NPFFR1: variants seen among roughly 807,000 people sequenced by gnomAD.
NPFFR1 encodes the protein neuropeptide FF receptor 1.
In NPFFR1, 17 loss-of-function variants were observed where a neutral mutation model predicts 12.7. The ratio of observed to expected loss-of-function variants is 1.34; its 90% CI spans 0.92 to 2.01. NPFFR1 has a LOEUF of 2.01. Among genes scored for constraint, NPFFR1 ranks in the 30% most tolerant of loss-of-function variants. The pLI, the probability that NPFFR1 is intolerant of heterozygous loss-of-function variation, is 0.00. For missense variants in NPFFR1, 604 were observed against 606.5 expected (o/e 1.00, Z 0.04); for synonymous variants, 296 against 264.5 (o/e 1.12, Z -1.16).
intron 1 of NPFFR1, among the ~76,000 whole-genome samples, chr10:70,272,211 G>GAAAGAAAGAAAGAA (rs10664195): frequency 1.8e-5 from 1 of 55,822 alleles, no homozygotes; most frequent in African/African-American, 7.9e-5. Context: ...AAGAAAGAAA[G>GAAAGAAAGAAAGAA]GAAAGAAAGA....
At chr10:70,271,081 C>T (rs141744116) in intron 1 of NPFFR1, among the ~76,000 whole-genome samples, 140 of 152,314 alleles carry the variant, frequency 9.2e-4, no homozygotes, top group African/African-American at 3.1e-3. Flanking sequence ...ATGATTCCAA[C>T]GCACACTGTG....
Position 70,250,626 on chromosome 10 carries a change from A to G in NPFFR1, c.*4331T>C, listed in dbSNP as rs865789713. The G allele has an allele frequency of 6.6e-6, 1 of 152,254 alleles. No homozygotes were observed. Among genetic ancestry groups the G allele is most frequent in the African/African-American group, 2.4e-5 (1 of 41,460 alleles). 9.4% of individuals were successfully genotyped at this position (152,254 alleles called of 1,614,324 possible). A position where few individuals can be genotyped will look rare whatever the true frequency, so the allele number is the denominator to read the frequency against. ...AATGAATCTTGCAAACATCATTTTA[A>G]GTGAAAGAAACCAGACTCGGCTGCA... On this transcript the variant is annotated 3_prime_UTR_variant, in exon 4 of 4. Coordinates refer to ENST00000277942, the MANE Select transcript of NPFFR1 (RefSeq NM_022146.5).
At chr10:70,274,977 C>T (rs1236327340) in intron 1 of NPFFR1, among the ~76,000 whole-genome samples, 2 of 152,184 alleles carry the variant, frequency 1.3e-5, no homozygotes, top group Admixed American at 1.3e-4. Flanking sequence ...AGAACTATAA[C>T]CTCCTACTGT....
At chr10:70,262,588 A>T (rs541410898) in intron 2 of NPFFR1, among the ~76,000 whole-genome samples, 2 of 152,328 alleles carry the variant, frequency 1.3e-5, no homozygotes, top group African/African-American at 4.8e-5. Flanking sequence ...CAAATAAGTA[A>T]ATATGTTGTA....
At chr10:70,261,390 T>C (rs1840631943) in intron 2 of NPFFR1, among the ~76,000 whole-genome samples, 1 of 152,198 alleles carries the variant, frequency 6.6e-6, no homozygotes, top group South Asian at 2.1e-4. Context: ...CCTCTATAAA[T>C]TACCCAGTCT....
At chr10:70,268,184 G>A (rs796746018) in intron 1 of NPFFR1, among the ~76,000 whole-genome samples, 19 of 152,024 alleles carry the variant, frequency 1.2e-4, no homozygotes, top group African/African-American at 4.6e-4. Flanking sequence ...CTTCTCTTTG[G>A]ATTATTTTGA....
Position 70,255,794 on chromosome 10 carries a change from C to T in NPFFR1, c.456G>A (p.Lys152=), listed in dbSNP as rs1472686355. The change falls in exon 4 of 4, where the codon AAG becomes AAA. Residue 152 remains lysine, a synonymous_variant. Transcript: ENST00000277942. The surrounding 1 kb of genome is among the most constrained non-coding windows in gnomAD (Gnocchi z 4.2). ...FRCIVHPFRE[K]LTLRKALVTI... ...TGACGAGCGCCTTCCGCAGGGTCAG[C>T]TTCTCGCGGAAAGGGTGCACGATGC... is the stretch of plus-strand genomic sequence containing the variant. 1 of 1,610,770 alleles carries T rather than the reference C, an allele frequency of 6.2e-7. No individual in the cohort carries two copies. Among genetic ancestry groups the T allele is most frequent in the Admixed American group, 1.7e-5 (1 of 59,662 alleles).
At position 70,255,438 on chromosome 10, in the gene NPFFR1, A is replaced by ATGTGCACCACGCGCGC. The variant is rs1214655368; in HGVS notation, c.796_811dup (p.Met271SerfsTer121). On this transcript the variant is annotated frameshift_variant, in exon 4 of 4. Coordinates refer to ENST00000277942, the MANE Select transcript of NPFFR1 (RefSeq NM_022146.5). LOFTEE classifies it low-confidence loss of function (END_TRUNC). The surrounding 1 kb of genome is among the most constrained non-coding windows in gnomAD (Gnocchi z 4.2). The stretch of plus-strand genomic sequence containing the variant: ...GAAGAACAGCGCCACCATGACCAGC[A>ATGTGCACCACGCGCGC]TGTGCACCACGCGCGCTCTGCGCCG... The ATGTGCACCACGCGCGC allele has an allele frequency of 6.5e-7, 1 of 1,547,782 alleles. No homozygotes were observed. Among genetic ancestry groups the ATGTGCACCACGCGCGC allele is most frequent in the Admixed American group, 2.0e-5 (1 of 50,998 alleles).
At chr10:70,275,033 C>G (rs1011492913) in intron 1 of NPFFR1, among the ~76,000 whole-genome samples, 2 of 152,280 alleles carry the variant, frequency 1.3e-5, no homozygotes, top group African/African-American at 4.8e-5. Flanking sequence ...AGGCACCCAC[C>G]ACAGCAACAT....
chr10:70,269,533 C>T (rs758618091), intron 1 of NPFFR1, among the ~76,000 whole-genome samples: 9 of 146,240 alleles, frequency 6.2e-5, no homozygotes, highest in East Asian at 4.0e-4. Context: ...TTTTTTGAGA[C>T]GGAGTCTTGA....
At chr10:70,272,396 G>A (rs1840760063) in intron 1 of NPFFR1, among the ~76,000 whole-genome samples, 1 of 152,214 alleles carries the variant, frequency 6.6e-6, no homozygotes, top group Non-Finnish European at 1.5e-5. Context: ...GGAACACGTG[G>A]GTGCCCCACC....
chr10:70,251,610 G>C lies in NPFFR1; in HGVS notation c.*3347C>G, dbSNP rs1840512544. The C allele has an allele frequency of 7.8e-6, 1 of 127,586 alleles. No homozygotes were observed. Among genetic ancestry groups the C allele is most frequent in the African/African-American group, 2.5e-5 (1 of 39,888 alleles). The allele number at this position is 127,586 out of a possible 1,614,324, so 7.9% of individuals were successfully genotyped here. ...GGGTGGGGATGCTCAGTGTCAACAG[G>C]CCTCTGGCCCTTTTCCCCCATCACG... On this transcript the variant is annotated 3_prime_UTR_variant, in exon 4 of 4. Coordinates refer to ENST00000277942, the MANE Select transcript of NPFFR1 (RefSeq NM_022146.5).
intron 3 of NPFFR1, among the ~76,000 whole-genome samples, chr10:70,256,473 G>A (rs963858060): frequency 2.0e-5 from 3 of 152,216 alleles, no homozygotes; most frequent in Non-Finnish European, 4.4e-5. Context: ...GATTAGGTGC[G>A]TCAAATAACA....
chr10:70,264,387 A>AG (rs1368009239), intron 2 of NPFFR1, among the ~76,000 whole-genome samples: 36 of 148,828 alleles, frequency 2.4e-4, no homozygotes, highest in African/African-American at 4.7e-4. Flanking sequence ...AAAAAAAAAA[A>AG]AAAGAAAGAA....
chr10:70,278,289 C>A (rs1840825357), intron 1 of NPFFR1, among the ~76,000 whole-genome samples: 1 of 151,272 alleles, frequency 6.6e-6, no homozygotes, highest in Non-Finnish European at 1.5e-5. Context: ...TGTTTTGGGA[C>A]CTCCCCTACC....
At position 70,283,817 on chromosome 10, in the gene NPFFR1, C is replaced by T; in HGVS notation, c.-141G>A. 2 of 945,944 alleles carry T rather than the reference C, an allele frequency of 2.1e-6. No homozygotes were observed. The highest frequency in any genetic ancestry group is 2.6e-5 in the East Asian group (1 of 37,866). The allele number at this position is 945,944 out of a possible 1,614,324, so 58.6% of individuals were successfully genotyped here. ...TCCGCGCTCCGCAGGTCCGGTCGGT[C>T]CGGGCAGAGGTGAGCAGGGGGCGTG... is the stretch of plus-strand genomic sequence containing the variant. On this transcript the variant is annotated 5_prime_UTR_variant, in exon 1 of 4. Coordinates refer to ENST00000277942, the MANE Select transcript of NPFFR1 (RefSeq NM_022146.5).
At chr10:70,264,007 C>T (rs1035519711) in intron 2 of NPFFR1, among the ~76,000 whole-genome samples, 4 of 151,830 alleles carry the variant, frequency 2.6e-5, no homozygotes, top group African/African-American at 9.7e-5. Context: ...AGGACCTGGG[C>T]CCAGGCAGGT....
intron 1 of NPFFR1, among the ~76,000 whole-genome samples, chr10:70,273,468 T>C (rs866863009): frequency 4.6e-5 from 7 of 152,260 alleles, no homozygotes; most frequent in Non-Finnish European, 1.0e-4. Flanking sequence ...GAGGAATTTA[T>C]GGTCTCCAAA....
rs558651433 is a variant in NPFFR1, at chr10:70,252,880, A to T, written c.*2077T>A. The T allele has an allele frequency of 6.6e-6, 1 of 152,234 alleles. No homozygotes were observed. The highest frequency in any genetic ancestry group is 1.9e-4 in the East Asian group (1 of 5,186). 9.4% of individuals were successfully genotyped at this position (152,234 alleles called of 1,614,324 possible). A position where few individuals can be genotyped will look rare whatever the true frequency, so the allele number is the denominator to read the frequency against. On this transcript the variant is annotated 3_prime_UTR_variant, in exon 4 of 4. Transcript: ENST00000277942. ...TCTTGTACTTGGGGAGGCTATGCTA[A>T]AGGAGAAACACACCCCAGAGGAGAC... is the stretch of plus-strand genomic sequence containing the variant.
Sources: gnomAD v4.1 joint callset for allele counts (sites outside exome capture counted in the v4.1 genomes callset) on GRCh38, gnomAD v4.1.1 for gene constraint, Gnocchi (gnomAD v3.1) non-coding constraint, MANE v1.5 for transcripts, NCBI Gene and HGNC (gene_info 2026-07-23, HGNC 2026-07-21) for gene names.